COX10: variants seen among roughly 807,000 people sequenced by gnomAD.
COX10 encodes the protein protoheme IX farnesyltransferase, mitochondrial.
A neutral mutation model predicts 37.3 loss-of-function variants in COX10; 27 were observed. The ratio of observed to expected loss-of-function variants is 0.72; its 90% CI spans 0.53 to 1.00. The LOEUF is 1.00. Among genes scored for constraint, COX10 ranks in the 50% least tolerant of loss-of-function variants. COX10 has a pLI of 0.00. For synonymous variants in COX10, 222 were observed against 229.1 expected (o/e 0.97, Z 0.28); for missense variants, 475 against 563.2 (o/e 0.84, Z 1.59).
At chr17:14,111,756 T>C (rs897354216) in intron 4 of COX10, among the ~76,000 whole-genome samples, 10 of 152,176 alleles carry the variant, frequency 6.6e-5, no homozygotes, top group Non-Finnish European at 2.9e-5. Flanking sequence ...CATATTGCTG[T>C]CATTAGATGA....
At chr17:14,090,274 A>G (rs1042738014) in intron 3 of COX10, among the ~76,000 whole-genome samples, 1 of 152,074 alleles carries the variant, frequency 6.6e-6, no homozygotes, top group Non-Finnish European at 1.5e-5. Flanking sequence ...TTCAAAGCAA[A>G]GCATTGTAGC....
chr17:14,136,538 A>G (rs1431729029), intron 4 of COX10, among the ~76,000 whole-genome samples: 1 of 152,064 alleles, frequency 6.6e-6, no homozygotes, highest in Non-Finnish European at 1.5e-5. Context: ...TTCTTGCCAT[A>G]AAGCACGGCT....
intron 4 of COX10, among the ~76,000 whole-genome samples, chr17:14,134,855 G>A (rs1408238803): frequency 6.6e-6 from 1 of 151,442 alleles, no homozygotes; most frequent in Non-Finnish European, 1.5e-5. Flanking sequence ...AATATAGAGA[G>A]ATTGCATGTA....
intron 4 of COX10, among the ~76,000 whole-genome samples, chr17:14,137,553 A>T (rs1254740898): frequency 1.3e-5 from 2 of 152,030 alleles, no homozygotes; most frequent in Non-Finnish European, 2.9e-5. Context: ...TCTTTTTAAA[A>T]TGCTGATCAG....
At chr17:14,079,742 C>A (rs1455771431) in intron 3 of COX10, among the ~76,000 whole-genome samples, 1 of 151,994 alleles carries the variant, frequency 6.6e-6, no homozygotes, top group East Asian at 1.9e-4. Context: ...TCCCACCATT[C>A]TAGATAAAAA....
At chr17:14,072,748 A>T (rs1432417521) in intron 1 of COX10, among the ~76,000 whole-genome samples, 1 of 152,168 alleles carries the variant, frequency 6.6e-6, no homozygotes, top group Admixed American at 6.5e-5. Flanking sequence ...GAAAATTGTG[A>T]TGTATTTCTT....
chr17:14,193,423 T>C (rs1906272109), intron 6 of COX10, among the ~76,000 whole-genome samples: 1 of 151,354 alleles, frequency 6.6e-6, no homozygotes, highest in South Asian at 2.1e-4. Context: ...ATGCTGTTGT[T>C]ATCATTCAGG....
chr17:14,166,424 A>G (rs1198623015), intron 5 of COX10, among the ~76,000 whole-genome samples: 2 of 152,200 alleles, frequency 1.3e-5, no homozygotes, highest in South Asian at 2.1e-4. Context: ...TCTGATTGCA[A>G]CATGGTTTAC....
At chr17:14,200,561 G>A (rs1906515721) in intron 6 of COX10, among the ~76,000 whole-genome samples, 1 of 152,120 alleles carries the variant, frequency 6.6e-6, no homozygotes, top group Non-Finnish European at 1.5e-5. Context: ...GGGAAGTAAC[G>A]ATGCCCTGCA....
chr17:14,163,447 G>T (rs1905213396), intron 5 of COX10, among the ~76,000 whole-genome samples: 1 of 151,878 alleles, frequency 6.6e-6, no homozygotes, highest in African/African-American at 2.4e-5. Context: ...ATAGAGATTG[G>T]GTTTCACCGT....
chr17:14,104,536 A>G (rs1286786084), intron 4 of COX10, among the ~76,000 whole-genome samples: 3 of 152,134 alleles, frequency 2.0e-5, no homozygotes, highest in Non-Finnish European at 4.4e-5. Context: ...TTAAAAATAC[A>G]TATATGCGGT....
At chr17:14,120,968 C>T (rs1191484498) in intron 4 of COX10, among the ~76,000 whole-genome samples, 1 of 152,152 alleles carries the variant, frequency 6.6e-6, no homozygotes, top group African/African-American at 2.4e-5. Context: ...TCCTTCTCCA[C>T]TTTCTTTCCT....
chr17:14,113,306 C>T (rs984109634), intron 4 of COX10, among the ~76,000 whole-genome samples: 1 of 152,084 alleles, frequency 6.6e-6, no homozygotes, highest in African/African-American at 2.4e-5. Flanking sequence ...TTCTTGTGTA[C>T]TCTGCCCCCT....
intron 4 of COX10, among the ~76,000 whole-genome samples, chr17:14,145,169 G>A (rs560271405): frequency 1.4e-5 from 2 of 141,470 alleles, no homozygotes; most frequent in East Asian, 4.4e-4. Flanking sequence ...TATTATAGGT[G>A]TGTGTGGAGG....
chr17:14,191,773 G>T (rs1906207931), intron 5 of COX10, among the ~76,000 whole-genome samples: 1 of 152,162 alleles, frequency 6.6e-6, no homozygotes, highest in African/African-American at 2.4e-5. Flanking sequence ...CTCTTAGCTA[G>T]CAAAATCAAG....
At chr17:14,184,643 A>G (rs1220425041) in intron 5 of COX10, among the ~76,000 whole-genome samples, 1 of 152,240 alleles carries the variant, frequency 6.6e-6, no homozygotes, top group Non-Finnish European at 1.5e-5. Flanking sequence ...CTAAGGATAT[A>G]TCCAAAGTTC....
chr17:14,117,591 C>T (rs943705376), intron 4 of COX10, among the ~76,000 whole-genome samples: 4 of 152,188 alleles, frequency 2.6e-5, no homozygotes, highest in African/African-American at 4.8e-5. Context: ...CCTTCAGTAA[C>T]CTGCTGCTCA....
At chr17:14,201,626 C>T (rs1906543728) in intron 6 of COX10, among the ~76,000 whole-genome samples, 1 of 152,196 alleles carries the variant, frequency 6.6e-6, no homozygotes, top group Non-Finnish European at 1.5e-5. Flanking sequence ...GTATTTTAGC[C>T]ATTTTCCCAG....
chr17:14,102,043 G>A, intron 3 of COX10, 75 bp from the exon 4 acceptor site: 2 of 1,588,462 alleles, frequency 1.3e-6, no homozygotes, highest in Non-Finnish European at 1.7e-6. Flanking sequence ...AGGATGGCTT[G>A]TTTTTTGTCG....
Sources: allele counts gnomAD v4.1 joint callset (sites outside exome capture counted in the v4.1 genomes callset), GRCh38; gene constraint gnomAD v4.1.1; transcripts MANE v1.5; gene names NCBI Gene and HGNC (gene_info 2026-07-23, HGNC 2026-07-21).